Variants in CHD9 observed in about 807,000 individuals in gnomAD.
CHD9 encodes ATP-dependent chromatin remodeler CHD9.
Under a neutral mutation model 316.1 loss-of-function variants are expected in CHD9, and 77 were observed. The ratio of observed to expected loss-of-function variants is 0.24; its 90% CI spans 0.20 to 0.29. The LOEUF (loss-of-function observed/expected upper bound fraction) is 0.29. Among genes scored for constraint, CHD9 ranks in the 10% least tolerant of loss-of-function variants. The pLI, the probability that CHD9 is intolerant of heterozygous loss-of-function variation, is 1.00. For synonymous variants in CHD9, 1,129 were observed against 1,158.3 expected (o/e 0.97, Z 0.51); for missense variants, 2,763 against 3,438.1 (o/e 0.80, Z 4.91).
In CHD9 at chr16:53,197,743, C is replaced by T. The variant is rs563133879; in HGVS notation, c.1453-11739C>T. Among the ~76,000 whole-genome samples, 7 of 151,656 alleles carry T rather than the reference C, an allele frequency of 4.6e-5. No homozygotes were observed. In the South Asian group the frequency reaches 1.5e-3, roughly 32 times the overall value. Reference sequence around the variant, plus strand: ...GCGATCTCTGCGCCGCAACCTCCGTCACCCTCCTGAGTAGCTAGGATTCTC... The same window carrying T: ...GCGATCTCTGCGCCGCAACCTCCGTTACCCTCCTGAGTAGCTAGGATTCTC... On this transcript the variant is annotated intron_variant, in intron 2 of 38. Transcript: ENST00000447540.
chr16:53,163,178 G>A (rs1422807369), intron 2 of CHD9, among the ~76,000 whole-genome samples: 2 of 151,874 alleles, frequency 1.3e-5, no homozygotes, highest in African/African-American at 4.8e-5. Context: ...TCTCTTGTTT[G>A]TCCTTTTGCC....
intron 3 of CHD9, among the ~76,000 whole-genome samples, chr16:53,211,985 A>G (rs1865685604): frequency 6.6e-6 from 1 of 152,210 alleles, no homozygotes; most frequent in African/African-American, 2.4e-5. Context: ...TAAACATCTC[A>G]TTTAAAATTT....
At chr16:53,209,413 C>A in intron 2 of CHD9, 69 bp from the exon 3 acceptor site, 2 of 1,068,726 alleles carry the variant, frequency 1.9e-6, no homozygotes, top group Non-Finnish European at 1.3e-6. Context: ...TTAAGATTTT[C>A]AGATATTTGT....
chr16:53,323,954 G>A (rs1407316654), intron 38 of CHD9, 66 bp from the exon 39 acceptor site: 1 of 1,297,290 alleles, frequency 7.7e-7, no homozygotes, highest in Non-Finnish European at 1.1e-6. Flanking sequence ...TTATTTGTAT[G>A]ATAAGCTAAT....
chr16:53,104,859 C>T (rs937859492), intron 1 of CHD9, among the ~76,000 whole-genome samples: 1 of 151,676 alleles, frequency 6.6e-6, no homozygotes, highest in Non-Finnish European at 1.5e-5. Flanking sequence ...CGTATATTCT[C>T]CTAGTTGAAG....
intron 24 of CHD9, among the ~76,000 whole-genome samples, chr16:53,282,227 CACA>C (rs1216887970): frequency 1.3e-5 from 2 of 152,136 alleles, no homozygotes; most frequent in African/African-American, 2.4e-5. Flanking sequence ...CATGCGTGCA[CACA>C]ACAACACTTA....
In CHD9 at chr16:53,278,366, C is replaced by T. The variant is rs186966899; in HGVS notation, c.4967+4064C>T. Among the ~76,000 whole-genome samples, 15 of 152,224 alleles carry T rather than the reference C, an allele frequency of 9.9e-5. No homozygotes were observed. The East Asian group carries it at 2.7e-3, about 27-fold the overall frequency. The stretch of plus-strand genomic sequence containing the variant: ...ATTACCTGATTTCAAGTTGTACTAT[C>T]AGGCCATAGTCACCAAAACAGCATG... On this transcript the variant is annotated intron_variant, in intron 24 of 38. Transcript: ENST00000447540.
Position 53,217,555 on chromosome 16 carries a change from G to T in CHD9, c.1785-5089G>T, listed in dbSNP as rs771610999. 3.3e-5 allele frequency among the ~76,000 whole-genome samples: 5 copies of T among 152,104 alleles called. No homozygotes were observed. The South Asian group carries it at 6.2e-4, about 19-fold the overall frequency. ...AGGCGTGAGCCACCACACCTGTCTA[G>T]AATCTGTATTTTAAATAGCTTTCAT... On this transcript the variant is annotated intron_variant, in intron 3 of 38. Coordinates refer to ENST00000447540, the MANE Select transcript of CHD9 (RefSeq NM_001308319.2).
chr16:53,069,792 C>T (rs1459389912), intron 1 of CHD9, among the ~76,000 whole-genome samples: 1 of 152,148 alleles, frequency 6.6e-6, no homozygotes, highest in Non-Finnish European at 1.5e-5. Flanking sequence ...TTCTGTGTGC[C>T]ATTTTTCAAG....
At chr16:53,076,832 G>T (rs12934229) in intron 1 of CHD9, among the ~76,000 whole-genome samples, 102,673 of 151,594 alleles carry the variant, frequency 0.68, 35,522 homozygotes, top group African/African-American at 0.76. Flanking sequence ...TTTAAAAAAT[G>T]TATTTATTTA....
rs567032914 is a variant in CHD9 at position 53,226,358 on chromosome 16, C to T, written c.1897-8C>T. On this transcript the variant is annotated splice_polypyrimidine_tract_variant and splice_region_variant and intron_variant, in intron 4 of 38. Transcript: ENST00000447540. Reference sequence around the variant, plus strand: ...TTATATAAATCTGATTCTTGTGGTTCATTACAGAAAAGAAGATCAAATCGA... The same window carrying T: ...TTATATAAATCTGATTCTTGTGGTTTATTACAGAAAAGAAGATCAAATCGA... The T allele has an allele frequency of 8.5e-6, 13 of 1,526,016 alleles. No individual in the cohort carries two copies. Among genetic ancestry groups the T allele is most frequent in the African/African-American group, 2.8e-5 (2 of 70,838 alleles). The allele number at this position is 1,526,016 out of a possible 1,614,324, so 94.5% of individuals were successfully genotyped here. A position where few individuals can be genotyped will look rare whatever the true frequency, so the allele number is the denominator to read the frequency against.
intron 3 of CHD9, among the ~76,000 whole-genome samples, chr16:53,212,651 A>G (rs1217454578): frequency 3.9e-5 from 6 of 152,132 alleles, no homozygotes; most frequent in Admixed American, 6.5e-5. Context: ...GCACTTTCTT[A>G]GAGTCTCATT....
chr16:53,320,192 T>G (rs1471586933), intron 37 of CHD9, among the ~76,000 whole-genome samples: 1 of 128,550 alleles, frequency 7.8e-6, no homozygotes, highest in African/African-American at 2.9e-5. Context: ...AGTGAGTGAG[T>G]CTCTTTAAAA....
chr16:53,199,018 T>G (rs965774729), intron 2 of CHD9, among the ~76,000 whole-genome samples: 6 of 145,202 alleles, frequency 4.1e-5, no homozygotes, highest in African/African-American at 1.5e-4. Flanking sequence ...GCCACCAAAC[T>G]TTTTTTTTTT....
intron 1 of CHD9, among the ~76,000 whole-genome samples, chr16:53,070,485 TTTCTTTCCTTCC>T (rs1300463119): frequency 1.0e-4 from 15 of 147,990 alleles, no homozygotes; most frequent in African/African-American, 3.6e-4. Flanking sequence ...TCTTTCTTTC[TTTCTTTCCTTCC>T]TTCCTTCCTT....
chr16:53,174,816 C>T (rs1036054251), intron 2 of CHD9, among the ~76,000 whole-genome samples: 3 of 152,042 alleles, frequency 2.0e-5, no homozygotes, highest in South Asian at 4.2e-4. Context: ...TACTTTGTTG[C>T]CCGGGCTTGT....
In CHD9 at chr16:53,324,776, G is replaced by T; in HGVS notation, c.8575G>T (p.Glu2859Ter). 6.2e-7 allele frequency: 1 copy of T among 1,613,226 alleles called. No individual in the cohort carries two copies. Among genetic ancestry groups the T allele is most frequent in the South Asian group, 1.1e-5 (1 of 90,884 alleles). ...AGATCAGGAAGACAAAGGAGGAACT[G>T]AACCAAGTCCTCTCAATGAAAACAG... ...IKDQEDKGGT[E>*]PSPLNENSTD... Residue 2859 changes from glutamate (E) to a stop codon, truncating the protein, a stop_gained, in exon 39 of 39, where the codon GAA (glutamate) becomes TAA (stop). Transcript: ENST00000447540. LOFTEE classifies it high-confidence loss of function.
intron 1 of CHD9, chr16:53,121,436 A>T (rs1449302818): frequency 2.2e-6 from 1 of 456,082 alleles, no homozygotes; most frequent in East Asian, 6.9e-5. Context: ...AGATTAGGAC[A>T]AGCAGCTGTT....
chr16:53,114,584 T>C (rs1196761005), intron 1 of CHD9, among the ~76,000 whole-genome samples: 4 of 144,102 alleles, frequency 2.8e-5, no homozygotes, highest in Non-Finnish European at 4.5e-5. Flanking sequence ...ATTTTTTATT[T>C]ATTTATTTAT....
Sources: gnomAD v4.1 joint callset for allele counts (sites outside exome capture counted in the v4.1 genomes callset) on GRCh38, gnomAD v4.1.1 for gene constraint, MANE v1.5 for transcripts, NCBI Gene and HGNC (gene_info 2026-07-23, HGNC 2026-07-21) for gene names.